TRIM5: variants seen among roughly 807,000 people sequenced by gnomAD.
The protein encoded by TRIM5 is tripartite motif containing 5.
A neutral mutation model predicts 35.6 loss-of-function variants in TRIM5; 31 were observed. That is an observed-to-expected ratio of 0.87 (90% CI 0.65 to 1.18). TRIM5 has a LOEUF of 1.18. Ranked by LOEUF, TRIM5 falls within the 50% of genes most tolerant of loss-of-function variation. The probability of loss-of-function intolerance (pLI) is 0.00; values close to 1 mark genes in which losing one functional copy is unlikely to be tolerated. For synonymous variants in TRIM5, 243 were observed against 215.6 expected (o/e 1.13, Z -1.11); for missense variants, 609 against 591.6 (o/e 1.03, Z -0.31).
At chr11:5,611,250 T>G in the TRIM5 span, 1 of 1,614,048 alleles carries the variant, frequency 6.2e-7, no homozygotes, top group Non-Finnish European at 8.5e-7. Context: ...CATCTACACT[T>G]TCTCTAAATA....
intron 4 of TRIM5, among the ~76,000 whole-genome samples, chr11:5,671,543 A>G (rs1851590691): frequency 6.6e-6 from 1 of 152,120 alleles, no homozygotes; most frequent in African/African-American, 2.4e-5. Flanking sequence ...TAAAATAACA[A>G]TAATGAAATA....
the TRIM5 span, among the ~76,000 whole-genome samples, chr11:5,592,431 C>A: frequency 6.6e-6 from 1 of 152,196 alleles, no homozygotes; most frequent in Admixed American, 6.5e-5. Context: ...AAGTAACTTG[C>A]CCCAAATCAT....
chr11:5,632,983 C>T, the TRIM5 span, among the ~76,000 whole-genome samples: 72 of 133,098 alleles, frequency 5.4e-4, no homozygotes, highest in Middle Eastern at 3.7e-3. Context: ...CCTGCCACCG[C>T]GCCTGGCTAA....
chr11:5,667,683 A>T lies in TRIM5; in HGVS notation c.767+6T>A. 1 of 1,613,720 alleles carries T rather than the reference A, an allele frequency of 6.2e-7. No individual in the cohort carries two copies. The highest frequency in any genetic ancestry group is 8.5e-7 in the Non-Finnish European group (1 of 1,179,866). Reference sequence around the variant, plus strand: ...AAAAGGACCATCTCTGTCCTCCCACACATACCTTTTTATGACGCCATCCAC... The same window carrying T: ...AAAAGGACCATCTCTGTCCTCCCACTCATACCTTTTTATGACGCCATCCAC... On this transcript the variant is annotated splice_donor_region_variant and intron_variant, in intron 5 of 7. Transcript: ENST00000380034.
chr11:5,677,082 C>T (rs1852042504), intron 4 of TRIM5, among the ~76,000 whole-genome samples: 1 of 151,884 alleles, frequency 6.6e-6, no homozygotes, highest in South Asian at 2.1e-4. Context: ...GCAATGGCAA[C>T]AAAAGACAAA....
the TRIM5 span, among the ~76,000 whole-genome samples, chr11:5,618,280 G>A: frequency 6.6e-5 from 10 of 152,206 alleles, no homozygotes; most frequent in East Asian, 1.4e-3. Context: ...TGAGGCAGGG[G>A]AATCGCTTGA....
the TRIM5 span, among the ~76,000 whole-genome samples, chr11:5,594,035 T>C: frequency 6.6e-6 from 1 of 152,250 alleles, no homozygotes; most frequent in Admixed American, 6.5e-5. Context: ...AAAACTGCTA[T>C]GGACATTTGT....
chr11:5,661,242 AAG>A (rs1850816041), downstream of TRIM5, among the ~76,000 whole-genome samples: 1 of 151,932 alleles, frequency 6.6e-6, no homozygotes, highest in East Asian at 1.9e-4. Context: ...AAAAAAACCA[AAG>A]AGATCTCTTT....
At chr11:5,677,411 C>A (rs1432900248) in intron 4 of TRIM5, among the ~76,000 whole-genome samples, 3 of 152,216 alleles carry the variant, frequency 2.0e-5, no homozygotes, top group Non-Finnish European at 4.4e-5. Flanking sequence ...GAGATACCAT[C>A]TCACACCAGT....
chr11:5,632,815 T>A, the TRIM5 span: 1 of 1,412,640 alleles, frequency 7.1e-7, no homozygotes, highest in South Asian at 1.6e-5. Flanking sequence ...AATCTCACCT[T>A]TTCATCCTTT....
At chr11:5,639,263 A>T in the TRIM5 span, among the ~76,000 whole-genome samples, 1 of 152,160 alleles carries the variant, frequency 6.6e-6, no homozygotes, top group African/African-American at 2.4e-5. Flanking sequence ...GTTAAGGGAA[A>T]CTGATTGTTC....
chr11:5,610,384 A>G, the TRIM5 span: 1 of 1,567,752 alleles, frequency 6.4e-7, no homozygotes, highest in East Asian at 2.2e-5. Flanking sequence ...TGTGCTGAAG[A>G]AGATGCGGTT....
chr11:5,622,605 C>T, the TRIM5 span, among the ~76,000 whole-genome samples: 24 of 150,342 alleles, frequency 1.6e-4, no homozygotes, highest in Admixed American at 4.7e-4. Flanking sequence ...GCGACAAGAA[C>T]GAAACTCCAT....
chr11:5,592,962 G>C, the TRIM5 span, among the ~76,000 whole-genome samples: 1 of 133,342 alleles, frequency 7.5e-6, no homozygotes, highest in Non-Finnish European at 1.8e-5. Flanking sequence ...AAGAAAAAAT[G>C]AGAGGAAAGT....
chr11:5,636,038 A>T, the TRIM5 span, among the ~76,000 whole-genome samples: 4 of 152,198 alleles, frequency 2.6e-5, no homozygotes, highest in African/African-American at 4.8e-5. Context: ...TCCTACCTAT[A>T]TACCTAGAAG....
intron 4 of TRIM5, among the ~76,000 whole-genome samples, chr11:5,677,294 G>A (rs1852062567): frequency 1.3e-5 from 2 of 152,004 alleles, no homozygotes; most frequent in African/African-American, 4.8e-5. Context: ...GTGGGCGAAG[G>A]ACATGAACAG....
At chr11:5,591,562 C>A in the TRIM5 span, among the ~76,000 whole-genome samples, 1 of 152,050 alleles carries the variant, frequency 6.6e-6, no homozygotes, top group Non-Finnish European at 1.5e-5. Flanking sequence ...GCAGGAGAAT[C>A]GCTTGAACCT....
At chr11:5,634,316 G>A in the TRIM5 span, among the ~76,000 whole-genome samples, 2 of 151,808 alleles carry the variant, frequency 1.3e-5, no homozygotes, top group Non-Finnish European at 2.9e-5. Flanking sequence ...CTCAGGGTTG[G>A]CCTAGATAAG....
the TRIM5 span, chr11:5,610,678 A>G: frequency 1.3e-6 from 2 of 1,568,402 alleles, no homozygotes; most frequent in South Asian, 1.2e-5. Flanking sequence ...CCCGCCATAT[A>G]GTTCCAGTTC....
Sources: allele counts gnomAD v4.1 joint callset (sites outside exome capture counted in the v4.1 genomes callset), GRCh38; gene constraint gnomAD v4.1.1; transcripts MANE v1.5; gene names NCBI Gene and HGNC (gene_info 2026-07-23, HGNC 2026-07-21).